RAB3IP: variants seen among roughly 807,000 people sequenced by gnomAD.
RAB3IP encodes rab-3A-interacting protein.
RAB3IP carries 36 observed loss-of-function variants against 59.1 expected under a neutral mutation model. The observed-to-expected ratio is 0.61, with a 90% confidence interval of 0.47 to 0.80. The LOEUF (loss-of-function observed/expected upper bound fraction) is 0.80, where lower values mean the gene tolerates loss of function less well. RAB3IP is among the 30% of genes least tolerant of loss of function. The probability of loss-of-function intolerance (pLI) is 0.00; values close to 1 mark genes in which losing one functional copy is unlikely to be tolerated. For synonymous variants in RAB3IP, 207 were observed against 191.2 expected (o/e 1.08, Z -0.68); for missense variants, 511 against 536.0 (o/e 0.95, Z 0.46).
At chr12:69,798,776 T>C (rs1173882665) in intron 6 of RAB3IP, among the ~76,000 whole-genome samples, 1 of 152,184 alleles carries the variant, frequency 6.6e-6, no homozygotes, top group African/African-American at 2.4e-5. Flanking sequence ...ATTTATTAAA[T>C]AGGGAATAAA....
chr12:69,790,523 A>G (rs967723069), intron 4 of RAB3IP, among the ~76,000 whole-genome samples: 11 of 152,206 alleles, frequency 7.2e-5, no homozygotes, highest in East Asian at 5.8e-4. Context: ...GAAAATCCCA[A>G]TGGCATTTTT....
At chr12:69,762,773 A>AG (rs1321266482) in intron 3 of RAB3IP, among the ~76,000 whole-genome samples, 18 of 149,960 alleles carry the variant, frequency 1.2e-4, no homozygotes, top group Non-Finnish European at 2.7e-4. Context: ...AAAAAAAAAA[A>AG]AAAAAAGAAA....
chr12:69,811,094 G>C (rs1180563302), intron 8 of RAB3IP, among the ~76,000 whole-genome samples: 2 of 152,150 alleles, frequency 1.3e-5, no homozygotes, highest in East Asian at 3.9e-4. Flanking sequence ...GACATGGCTG[G>C]AGCTGGAGGC....
chr12:69,756,119 C>T (rs1422301677), intron 2 of RAB3IP, among the ~76,000 whole-genome samples: 13 of 152,178 alleles, frequency 8.5e-5, no homozygotes, highest in Admixed American at 3.9e-4. Flanking sequence ...TTGGTTTAGC[C>T]TGTAGGCTAT....
chr12:69,787,168 T>A (rs1366979803), intron 4 of RAB3IP, among the ~76,000 whole-genome samples: 1 of 152,088 alleles, frequency 6.6e-6, no homozygotes, highest in African/African-American at 2.4e-5. Context: ...ATAATAGGAG[T>A]CTATTATCCT....
At chr12:69,795,458 T>C (rs952377543) in intron 6 of RAB3IP, 114 bp downstream of exon 6, 1 of 790,094 alleles carries the variant, frequency 1.3e-6, no homozygotes, top group Non-Finnish European at 2.2e-6. Flanking sequence ...TAATGCAGTA[T>C]TAAGATGGGG....
At chr12:69,814,065 A>G (rs2136290344) in intron 10 of RAB3IP, among the ~76,000 whole-genome samples, 1 of 152,334 alleles carries the variant, frequency 6.6e-6, no homozygotes, top group Non-Finnish European at 1.5e-5. Context: ...ACATAAAAAC[A>G]GTCTTTAAAC....
intron 3 of RAB3IP, among the ~76,000 whole-genome samples, chr12:69,773,360 T>G (rs1459256914): frequency 6.6e-6 from 1 of 151,242 alleles, no homozygotes; most frequent in Non-Finnish European, 1.5e-5. Context: ...AATGTTCTGT[T>G]ATTATTTTTT....
At position 69,783,418 on chromosome 12, in the gene RAB3IP, A is replaced by G. The variant is rs1206366842; in HGVS notation, c.511-1302A>G. ...CTTTGCCACTCCCTTCCCTCTTTATATCTTATCCTTCCTTCTCCCTGTCTT... is the reference window on the plus strand; with the variant it reads ...CTTTGCCACTCCCTTCCCTCTTTATGTCTTATCCTTCCTTCTCCCTGTCTT... On this transcript the variant is annotated intron_variant, in intron 3 of 10. Transcript: ENST00000247833. 2.0e-5 allele frequency among the ~76,000 whole-genome samples: 3 copies of G among 151,878 alleles called. No homozygotes were observed. In the East Asian group the frequency reaches 5.8e-4, roughly 29 times the overall value.
intron 3 of RAB3IP, among the ~76,000 whole-genome samples, chr12:69,761,682 A>G (rs1871331038): frequency 6.6e-6 from 1 of 152,214 alleles, no homozygotes; most frequent in South Asian, 2.1e-4. Flanking sequence ...TGGGTTTTCA[A>G]TACATTTTGT....
intron 4 of RAB3IP, among the ~76,000 whole-genome samples, chr12:69,790,954 A>G (rs1876507517): frequency 2.0e-5 from 3 of 152,178 alleles, no homozygotes; most frequent in Non-Finnish European, 2.9e-5. Context: ...TACATGACAA[A>G]GTTACAGCAG....
At chr12:69,765,806 T>A (rs1387953528) in intron 3 of RAB3IP, among the ~76,000 whole-genome samples, 1 of 152,236 alleles carries the variant, frequency 6.6e-6, no homozygotes, top group Non-Finnish European at 1.5e-5. Flanking sequence ...TGTTTAGAAC[T>A]CTCTTAAGGG....
At chr12:69,795,054 A>C (rs2097919558) in intron 5 of RAB3IP, 87 bp from the exon 6 acceptor site, 8 of 931,036 alleles carry the variant, frequency 8.6e-6, no homozygotes, top group Middle Eastern at 2.4e-4. Flanking sequence ...TTCATCTTTG[A>C]AAGTGTTTTG....
intron 3 of RAB3IP, among the ~76,000 whole-genome samples, chr12:69,765,609 A>G (rs540822540): frequency 3.9e-5 from 6 of 152,306 alleles, no homozygotes; most frequent in Non-Finnish European, 7.4e-5. Flanking sequence ...AAGTGTGACC[A>G]GGAGGTCTGC....
chr12:69,747,323 TGTGTGTGTGAGAGA>T (rs1037075632), intron 1 of RAB3IP, among the ~76,000 whole-genome samples: 2 of 145,340 alleles, frequency 1.4e-5, no homozygotes, highest in African/African-American at 5.0e-5. Flanking sequence ...TGTGTGTGTG[TGTGTGTGTGAGAGA>T]GAGAGAGAGA....
chr12:69,748,357 AAG>A (rs1224907534), intron 1 of RAB3IP, among the ~76,000 whole-genome samples: 11 of 152,198 alleles, frequency 7.2e-5, no homozygotes, highest in Non-Finnish European at 1.5e-4. Context: ...TAATTAGAAA[AAG>A]TAAATTTCAT....
At chr12:69,815,169 T>G (rs1048794366) in intron 10 of RAB3IP, among the ~76,000 whole-genome samples, 195 bp from the exon 11 acceptor site, 1 of 152,234 alleles carries the variant, frequency 6.6e-6, no homozygotes, top group African/African-American at 2.4e-5. Flanking sequence ...GTGACAAAAC[T>G]GGTGACTTTT....
chr12:69,747,690 C>A (rs1358939796), intron 1 of RAB3IP, among the ~76,000 whole-genome samples: 1 of 152,132 alleles, frequency 6.6e-6, no homozygotes, highest in African/African-American at 2.4e-5. Flanking sequence ...GAGACTGATT[C>A]CAGAGTACAA....
intron 6 of RAB3IP, chr12:69,795,825 A>G (rs1041130567): frequency 1.2e-5 from 2 of 162,812 alleles, no homozygotes; most frequent in African/African-American, 4.8e-5. Context: ...AAATAATGGT[A>G]GCCTTACAAT....
Sources: allele counts gnomAD v4.1 joint callset (sites outside exome capture counted in the v4.1 genomes callset), GRCh38; gene constraint gnomAD v4.1.1; transcripts MANE v1.5; gene names NCBI Gene and HGNC (gene_info 2026-07-23, HGNC 2026-07-21).